PIGF: variants seen among roughly 807,000 people sequenced by gnomAD.
The protein encoded by PIGF is phosphatidylinositol glycan anchor biosynthesis class F, also known as GPI ethanolamine phosphate transferase, stabilizing subunit.
In PIGF, 23 loss-of-function variants were observed where a neutral mutation model predicts 26.0. That is an observed-to-expected ratio of 0.88 (90% CI 0.64 to 1.25). PIGF has a LOEUF of 1.25. Ranked by LOEUF, PIGF falls within the 50% of genes most tolerant of loss-of-function variation. The pLI is 0.00. For synonymous variants in PIGF, 93 were observed against 92.6 expected (o/e 1.00, Z -0.03); for missense variants, 278 against 249.9 (o/e 1.11, Z -0.76).
intron 5 of PIGF, among the ~76,000 whole-genome samples, chr2:46,584,231 C>T (rs1042898976): frequency 4.6e-5 from 7 of 152,222 alleles, no homozygotes; most frequent in African/African-American, 9.6e-5. Flanking sequence ...TTACTATCTA[C>T]GTAAAGCACT....
In PIGF at chr2:46,589,875, GA is replaced by G. The variant is rs972092756; in HGVS notation, c.546+2599del. 4.7e-5 allele frequency among the ~76,000 whole-genome samples: 7 copies of G among 149,388 alleles called. No homozygotes were observed. Among genetic ancestry groups the G allele is most frequent in the African/African-American group, 1.2e-4 (5 of 40,786 alleles). Reference sequence around the variant, plus strand: ...ACCTTGTTTGCTGGAAATAAAAAGTGAAAAAAAAACCTCATTTCTTTAGTTT... The same window carrying G: ...ACCTTGTTTGCTGGAAATAAAAAGTGAAAAAAAACCTCATTTCTTTAGTTT... On this transcript the variant is annotated intron_variant, in intron 5 of 5. Transcript: ENST00000281382. The surrounding 1 kb of genome is among the most constrained non-coding windows in gnomAD (Gnocchi z 4.7).
chr2:46,588,132 G>C lies in PIGF; in HGVS notation c.546+4343C>G. 1 of 1,612,078 alleles carries C rather than the reference G, an allele frequency of 6.2e-7. No individual in the cohort carries two copies. The highest frequency in any genetic ancestry group is 1.1e-5 in the South Asian group (1 of 90,838). On this transcript the variant is annotated intron_variant, in intron 5 of 5. Transcript: ENST00000281382. The surrounding 1 kb of genome is among the most constrained non-coding windows in gnomAD (Gnocchi z 4.1). ...ATTTCACAGTACCAAGCCCCCTGCA[G>C]GGTACATGGAGAGATCTATAAGTGC...
chr2:46,601,548 G>A (rs922943742), intron 4 of PIGF, among the ~76,000 whole-genome samples: 2 of 152,034 alleles, frequency 1.3e-5, no homozygotes, highest in African/African-American at 4.8e-5. Context: ...AAGAGACACT[G>A]TACAACTCCT....
chr2:46,604,927 T>C (rs1015598286), intron 4 of PIGF, among the ~76,000 whole-genome samples: 1 of 152,116 alleles, frequency 6.6e-6, no homozygotes, highest in East Asian at 1.9e-4. Flanking sequence ...GATGTGATTA[T>C]TATGCATTGT....
chr2:46,601,282 A>G (rs1273691522), intron 4 of PIGF, among the ~76,000 whole-genome samples: 1 of 152,130 alleles, frequency 6.6e-6, no homozygotes, highest in Non-Finnish European at 1.5e-5. Flanking sequence ...AAGTGACTAC[A>G]GCAATGTTAC....
chr2:46,615,061 G>A lies in PIGF; in HGVS notation c.104C>T (p.Ser35Leu), dbSNP rs1402384779. 5.0e-6 allele frequency: 8 copies of A among 1,597,890 alleles called. No individual in the cohort carries two copies. In the African/African-American group the frequency reaches 5.4e-5, roughly 11 times the overall value. ...FIPSLFLENF[S>L]ILETHLTWLC... ...CCATGTCAAGTGTGTTTCCAATATT[G>A]AGAAGTTCTCCAAGAAGAGTGATGG... The change falls in exon 2 of 6, where the codon TCA becomes TTA. Residue 35 changes from serine (S) to leucine (L), a missense_variant. Ser to Leu is a moderately radical substitution (Grantham distance 145). Coordinates refer to ENST00000281382, the MANE Select transcript of PIGF (RefSeq NM_002643.4).
In PIGF at chr2:46,614,925, C is replaced by CT; in HGVS notation, c.228+11_228+12insA. 1 of 1,230,472 alleles carries CT rather than the reference C, an allele frequency of 8.1e-7. No homozygotes were observed. Among genetic ancestry groups the CT allele is most frequent in the South Asian group, 1.2e-5 (1 of 82,244 alleles). The allele number at this position is 1,230,472 out of a possible 1,614,324, so 76.2% of individuals were successfully genotyped here. A position where few individuals can be genotyped will look rare whatever the true frequency, so the allele number is the denominator to read the frequency against. ...TCCATCCAAAAATCAGTTATTGAGA[C>CT]ATAAGCCTTACCTTGTGTGATAATG... is the stretch of plus-strand genomic sequence containing the variant. On this transcript the variant is annotated intron_variant, in intron 2 of 5. Coordinates refer to ENST00000281382, the MANE Select transcript of PIGF (RefSeq NM_002643.4).
intron 5 of PIGF, chr2:46,591,956 G>A (rs982973808): frequency 8.4e-5 from 109 of 1,302,420 alleles, no homozygotes; most frequent in Non-Finnish European, 9.0e-5. Context: ...ATTCAATTTG[G>A]CCATCAATCA....
chr2:46,615,988 G>A (rs1299616059), intron 1 of PIGF: 1 of 152,050 alleles, frequency 6.6e-6, no homozygotes, highest in African/African-American at 2.4e-5. Flanking sequence ...GTTACATTAT[G>A]GAGAATATTC....
At chr2:46,616,884 G>A (rs1670656856) in intron 1 of PIGF, 86 bp downstream of exon 1, 2 of 329,140 alleles carry the variant, frequency 6.1e-6, no homozygotes, top group South Asian at 6.0e-5. Flanking sequence ...GGGTCGGGGC[G>A]CCAAGGCTCA....
chr2:46,594,786 AG>A (rs763986646), intron 4 of PIGF, among the ~76,000 whole-genome samples: 10 of 150,346 alleles, frequency 6.7e-5, no homozygotes, highest in Non-Finnish European at 1.5e-4. Flanking sequence ...CGCCGGCCTC[AG>A]CCTCCCAAAG....
At chr2:46,598,220 TAA>T (rs539372939) in intron 4 of PIGF, among the ~76,000 whole-genome samples, 1 of 148,086 alleles carries the variant, frequency 6.8e-6, no homozygotes, top group Non-Finnish European at 1.5e-5. Flanking sequence ...TGGTAAACTT[TAA>T]AAAAAAAAAG....
intron 5 of PIGF, among the ~76,000 whole-genome samples, chr2:46,592,139 C>T (rs1453538256): frequency 6.6e-6 from 1 of 152,094 alleles, no homozygotes; most frequent in Non-Finnish European, 1.5e-5. Flanking sequence ...ATCGTTTAGG[C>T]CCAAGCATTA....
chr2:46,607,777 C>G (rs892422245), intron 4 of PIGF, among the ~76,000 whole-genome samples: 30 of 152,070 alleles, frequency 2.0e-4, no homozygotes, highest in Admixed American at 2.0e-3. Flanking sequence ...TCGCTGCAAC[C>G]TCTGCCTCCT....
chr2:46,595,490 C>G (rs1389699171), intron 4 of PIGF, among the ~76,000 whole-genome samples: 2 of 152,196 alleles, frequency 1.3e-5, no homozygotes, highest in Non-Finnish European at 2.9e-5. Flanking sequence ...CACATTTTAT[C>G]TATTCAACAG....
chr2:46,613,402 T>G (rs1320813256), intron 3 of PIGF, among the ~76,000 whole-genome samples: 1 of 152,176 alleles, frequency 6.6e-6, no homozygotes, highest in South Asian at 2.1e-4. Context: ...CATAGTAAGT[T>G]CTTTCAGAGG....
intron 5 of PIGF, chr2:46,591,650 T>C (rs922141836): frequency 1.9e-5 from 18 of 927,842 alleles, no homozygotes; most frequent in Non-Finnish European, 2.2e-5. Flanking sequence ...ATTTGTTAAA[T>C]AAGTTATAAA....
chr2:46,581,050 A>C lies in PIGF; in HGVS notation c.*428T>G, dbSNP rs1669347882. 3 of 1,573,144 alleles carry C rather than the reference A, an allele frequency of 1.9e-6. No homozygotes were observed. The African/African-American group carries it at 4.1e-5, about 22-fold the overall frequency. On this transcript the variant is annotated 3_prime_UTR_variant, in exon 6 of 6. Coordinates refer to ENST00000281382, the MANE Select transcript of PIGF (RefSeq NM_002643.4). ...AACACACTGTAAAAAAAAGAATAGG[A>C]TCAAGATGTATAAACTGTTGTTTAA...
chr2:46,593,685 G>C (rs1384960092), intron 4 of PIGF, among the ~76,000 whole-genome samples: 1 of 152,194 alleles, frequency 6.6e-6, no homozygotes, highest in East Asian at 1.9e-4. Flanking sequence ...TCTGGTTACA[G>C]TCAGGTAAAA....
Sources: allele counts gnomAD v4.1 joint callset (sites outside exome capture counted in the v4.1 genomes callset), GRCh38; gene constraint gnomAD v4.1.1; non-coding constraint Gnocchi (gnomAD v3.1); transcripts MANE v1.5; gene names NCBI Gene and HGNC (gene_info 2026-07-23, HGNC 2026-07-21).